SLC1A2: variants seen among roughly 807,000 people sequenced by gnomAD.
SLC1A2 encodes solute carrier family 1 member 2, also known as excitatory amino acid transporter 2.
A neutral mutation model predicts 48.8 loss-of-function variants in SLC1A2; 15 were observed. The observed-to-expected ratio is 0.31, with a 90% confidence interval of 0.21 to 0.47. The LOEUF (loss-of-function observed/expected upper bound fraction) is 0.47. SLC1A2 is among the 20% of genes least tolerant of loss of function. The pLI, the probability that SLC1A2 is intolerant of heterozygous loss-of-function variation, is 0.99. For synonymous variants in SLC1A2, 279 were observed against 272.6 expected, an observed-to-expected ratio of 1.02 and a Z score of -0.23; for missense variants, 502 against 730.5, an observed-to-expected ratio of 0.69 and a Z score of 3.61.
At chr11:35,402,677 G>C (rs1239283226) in intron 1 of SLC1A2, among the ~76,000 whole-genome samples, 2 of 152,194 alleles carry the variant, frequency 1.3e-5, no homozygotes, top group Admixed American at 1.3e-4. Flanking sequence ...ACTGACACCT[G>C]AAGTGAAGGC....
chr11:35,265,232 G>A, intron 10 of SLC1A2: 1 of 479,416 alleles, frequency 2.1e-6, no homozygotes, highest in Non-Finnish European at 3.6e-6. Flanking sequence ...AAATATTCAA[G>A]ACAACTGGTC....
At chr11:35,350,159 A>T (rs527662643) in intron 1 of SLC1A2, among the ~76,000 whole-genome samples, 2 of 152,370 alleles carry the variant, frequency 1.3e-5, no homozygotes, top group South Asian at 4.1e-4. Flanking sequence ...GAGGCCCACT[A>T]CTGGTTTTTA....
At chr11:35,371,121 G>C (rs886478718) in intron 1 of SLC1A2, 29 of 976,428 alleles carry the variant, frequency 3.0e-5, no homozygotes, top group Non-Finnish European at 3.5e-5. Context: ...GCTACCCTCA[G>C]TGAGAACCCT....
In SLC1A2 at chr11:35,260,216, A is replaced by G. The variant is rs116491120; in HGVS notation, c.*678T>C. On this transcript the variant is annotated 3_prime_UTR_variant, in exon 11 of 11. Coordinates refer to ENST00000278379, the MANE Select transcript of SLC1A2 (RefSeq NM_004171.4). Reference sequence around the variant, plus strand: ...TAATGAAACATACTTTGAAATTTCAACCATTGTTCTCACAGATTACACAGG... The same window carrying G: ...TAATGAAACATACTTTGAAATTTCAGCCATTGTTCTCACAGATTACACAGG... The G allele has an allele frequency of 2.6e-5, 4 of 152,216 alleles. No homozygotes were observed. Among genetic ancestry groups the G allele is most frequent in the Non-Finnish European group, 5.9e-5 (4 of 68,026 alleles). The allele number at this position is 152,216 out of a possible 1,614,324, so 9.4% of individuals were successfully genotyped here.
chr11:35,389,944 C>T (rs919263135), intron 1 of SLC1A2, among the ~76,000 whole-genome samples: 3 of 152,144 alleles, frequency 2.0e-5, no homozygotes, highest in Non-Finnish European at 2.9e-5. Context: ...TTCACTTTTC[C>T]GGATTTCTGT....
At chr11:35,296,063 A>G (rs1851162971) in intron 6 of SLC1A2, among the ~76,000 whole-genome samples, 1 of 152,240 alleles carries the variant, frequency 6.6e-6, no homozygotes, top group African/African-American at 2.4e-5. Context: ...TTCAAGAAAC[A>G]AAAATCTTAA....
chr11:35,407,018 A>G (rs1326474744), intron 1 of SLC1A2, among the ~76,000 whole-genome samples: 1 of 152,150 alleles, frequency 6.6e-6, no homozygotes, highest in Non-Finnish European at 1.5e-5. Context: ...ATAAATGATG[A>G]AGGGTTAAGG....
At chr11:35,284,913 C>G (rs568078064) in intron 8 of SLC1A2, among the ~76,000 whole-genome samples, 1 of 152,290 alleles carries the variant, frequency 6.6e-6, no homozygotes, top group African/African-American at 2.4e-5. Flanking sequence ...TGAACACTGC[C>G]TCTTAGGAGA....
chr11:35,414,240 T>C (rs1163020396), intron 1 of SLC1A2, among the ~76,000 whole-genome samples: 1 of 152,230 alleles, frequency 6.6e-6, no homozygotes, highest in Admixed American at 6.5e-5. Context: ...ACAATACTTT[T>C]TAAAAGAAAA....
chr11:35,299,779 C>T (rs1333683155), intron 6 of SLC1A2: 2 of 152,072 alleles, frequency 1.3e-5, no homozygotes, highest in East Asian at 1.9e-4. Context: ...AGAGAAAAAG[C>T]AGCTGGAATT....
intron 1 of SLC1A2, among the ~76,000 whole-genome samples, chr11:35,367,047 T>G (rs1215096396): frequency 6.6e-6 from 1 of 152,226 alleles, no homozygotes; most frequent in African/African-American, 2.4e-5. Flanking sequence ...CATAGCAGAC[T>G]TGCTACTTAC....
Position 35,253,959 on chromosome 11 carries a change from C to A in SLC1A2, c.*6935G>T, listed in dbSNP as rs1362147934. The A allele has an allele frequency of 1.3e-5, 2 of 152,372 alleles. No homozygotes were observed. Among genetic ancestry groups the A allele is most frequent in the Non-Finnish European group, 2.9e-5 (2 of 68,022 alleles). The allele number at this position is 152,372 out of a possible 1,614,324, so 9.4% of individuals were successfully genotyped here. ...CATATAACATCCAGGTCTATAAATA[C>A]ATTTTCTAATGCTCTTTATAAATAA... On this transcript the variant is annotated 3_prime_UTR_variant, in exon 11 of 11. Coordinates refer to ENST00000278379, the MANE Select transcript of SLC1A2 (RefSeq NM_004171.4).
At position 35,345,785 on chromosome 11, in the gene SLC1A2, T is replaced by C. The variant is rs569513471; in HGVS notation, c.18-28269A>G. 9.2e-5 allele frequency among the ~76,000 whole-genome samples: 14 copies of C among 152,288 alleles called. No homozygotes were observed. In the East Asian group the frequency reaches 2.7e-3, roughly 29 times the overall value. ...AATATACATTTTGTCTACAGAAAAA[T>C]ACAATGATGAATATGAAAATCACCA... On this transcript the variant is annotated intron_variant, in intron 1 of 10. Coordinates refer to ENST00000278379, the MANE Select transcript of SLC1A2 (RefSeq NM_004171.4).
intron 1 of SLC1A2, among the ~76,000 whole-genome samples, chr11:35,416,882 T>C (rs1855619100): frequency 6.6e-6 from 1 of 152,238 alleles, no homozygotes; most frequent in Non-Finnish European, 1.5e-5. Flanking sequence ...AATCCTTGAC[T>C]GGATGGAGCT....
At chr11:35,261,918 C>T (rs1950400289) in intron 10 of SLC1A2, 1 of 392,640 alleles carries the variant, frequency 2.5e-6, no homozygotes, top group African/African-American at 2.1e-5. Flanking sequence ...AAATAAAAAC[C>T]ATTTATCCAA....
chr11:35,414,097 A>AT (rs1296587560), intron 1 of SLC1A2, among the ~76,000 whole-genome samples: 1 of 152,206 alleles, frequency 6.6e-6, no homozygotes, highest in Non-Finnish European at 1.5e-5. Context: ...CAGTGAGTCC[A>AT]TATTCTAAAG....
At chr11:35,373,269 C>A (rs1854117204) in intron 1 of SLC1A2, among the ~76,000 whole-genome samples, 1 of 152,232 alleles carries the variant, frequency 6.6e-6, no homozygotes, top group Admixed American at 6.5e-5. Flanking sequence ...AGCAGCTGCC[C>A]TTTCAGCTCC....
chr11:35,368,243 T>C (rs1640546623), intron 1 of SLC1A2, among the ~76,000 whole-genome samples: 2 of 152,236 alleles, frequency 1.3e-5, no homozygotes, highest in South Asian at 4.1e-4. Context: ...ATGATTTCCC[T>C]GGATCTTTAC....
intron 4 of SLC1A2, among the ~76,000 whole-genome samples, chr11:35,307,897 A>G (rs1851562788): frequency 1.3e-5 from 2 of 152,146 alleles, no homozygotes; most frequent in African/African-American, 4.8e-5. Context: ...GGAGAGAGGA[A>G]GCCTAGGGCC....
Sources: allele counts gnomAD v4.1 joint callset (sites outside exome capture counted in the v4.1 genomes callset), GRCh38; gene constraint gnomAD v4.1.1; transcripts MANE v1.5; gene names NCBI Gene and HGNC (gene_info 2026-07-23, HGNC 2026-07-21).